HELB: variants seen among roughly 807,000 people sequenced by gnomAD.
HELB encodes the protein DNA helicase B, also known as DNA 5'-3' helicase B.
In HELB, 96 loss-of-function variants were observed where a neutral mutation model predicts 101.7. The observed-to-expected ratio is 0.94, with a 90% CI of 0.80 to 1.12. The LOEUF (loss-of-function observed/expected upper bound fraction) is 1.12. HELB is among the 50% of genes most tolerant of loss of function. The probability of loss-of-function intolerance (pLI) is 0.00; values close to 1 mark genes in which losing one functional copy is unlikely to be tolerated. For missense variants in HELB, 1,210 were observed against 1,291.9 expected (o/e 0.94, Z 0.97); for synonymous variants, 437 against 459.7 (o/e 0.95, Z 0.63).
intron 8 of HELB, 60 bp from the exon 9 acceptor site, chr12:66,322,664 A>G (rs2053684510): frequency 9.3e-7 from 1 of 1,073,706 alleles, no homozygotes; most frequent in Middle Eastern, 2.1e-4. Flanking sequence ...ATTGCTGATA[A>G]CAAAAGTAAA....
chr12:66,304,599 C>T (rs1006387360), intron 1 of HELB, 132 bp from the exon 2 acceptor site: 10 of 762,000 alleles, frequency 1.3e-5, no homozygotes, highest in Admixed American at 2.9e-5. Context: ...GTTACAGGCA[C>T]CCTACCAGAC....
At position 66,305,024 on chromosome 12, in the gene HELB, A is replaced by T. The variant is rs758740137; in HGVS notation, c.481A>T (p.Asn161Tyr). 6.2e-7 allele frequency: 1 copy of T among 1,613,786 alleles called. No individual in the cohort carries two copies. Among genetic ancestry groups the T allele is most frequent in the East Asian group, 2.2e-5 (1 of 44,860 alleles). Reference protein sequence around the residue: ...VSNYKNLNFENLRETLRTFHK... With the variant: ...VSNYKNLNFEYLRETLRTFHK... The stretch of plus-strand genomic sequence containing the variant: ...AAACTACAAAAACCTAAACTTTGAA[A>T]ATCTTAGGGAAACACTAAGAACTTT... Residue 161 changes from asparagine (N) to tyrosine (Y), a missense_variant, in exon 2 of 13, where the codon AAT becomes TAT. Transcript: ENST00000247815.
At chr12:66,304,417 T>G (rs1291936014) in intron 1 of HELB, among the ~76,000 whole-genome samples, 1 of 152,210 alleles carries the variant, frequency 6.6e-6, no homozygotes, top group South Asian at 2.1e-4. Context: ...AAGGCCAGTA[T>G]TGGCTGAAGT....
intron 7 of HELB, among the ~76,000 whole-genome samples, chr12:66,320,460 G>T (rs1460727882): frequency 6.6e-6 from 1 of 152,250 alleles, no homozygotes. Flanking sequence ...TCTTTTCACA[G>T]CTTAGTTAAT....
intron 11 of HELB, among the ~76,000 whole-genome samples, chr12:66,329,573 A>G (rs1327738253): frequency 2.0e-5 from 3 of 152,142 alleles, no homozygotes; most frequent in African/African-American, 7.2e-5. Flanking sequence ...TTACAAACAC[A>G]TTAAGGGGTT....
At chr12:66,331,750 G>A (rs2053812174) in intron 12 of HELB, 105 bp downstream of exon 12, 2 of 1,110,624 alleles carry the variant, frequency 1.8e-6, no homozygotes, top group Admixed American at 4.8e-5. Context: ...TGTGCTGTTG[G>A]ACTTAAAAAC....
intron 11 of HELB, among the ~76,000 whole-genome samples, chr12:66,329,196 T>C (rs2053777372): frequency 1.3e-5 from 2 of 152,238 alleles, no homozygotes. Flanking sequence ...GTGTCTTACT[T>C]TCTGAGGTAG....
intron 3 of HELB, 138 bp downstream of exon 3, chr12:66,306,652 C>G (rs2053479942): frequency 2.1e-6 from 1 of 466,870 alleles, no homozygotes; most frequent in Non-Finnish European, 3.7e-6. Flanking sequence ...AATGTTGCAA[C>G]TGTACATAAA....
intron 12 of HELB, among the ~76,000 whole-genome samples, chr12:66,332,061 T>G (rs934560652): frequency 6.6e-6 from 1 of 152,212 alleles, no homozygotes; most frequent in Non-Finnish European, 1.5e-5. Context: ...ATCAGTAATG[T>G]GGTGATTTGC....
chr12:66,314,201 C>G (rs2053575589), intron 5 of HELB, 38 bp downstream of exon 5: 1 of 1,580,622 alleles, frequency 6.3e-7, no homozygotes, highest in Non-Finnish European at 8.7e-7. Flanking sequence ...ATGTTTATTT[C>G]AAAGTATTGT....
intron 3 of HELB, among the ~76,000 whole-genome samples, chr12:66,308,983 G>A (rs1287040301): frequency 6.6e-6 from 1 of 152,066 alleles, no homozygotes; most frequent in Non-Finnish European, 1.5e-5. Flanking sequence ...TATAGTGAAG[G>A]GAGTTCTGTA....
At chr12:66,304,168 A>G (rs999160885) in intron 1 of HELB, among the ~76,000 whole-genome samples, 1 of 152,254 alleles carries the variant, frequency 6.6e-6, no homozygotes, top group African/African-American at 2.4e-5. Context: ...CTTACCCTCT[A>G]GTGTATTAAA....
chr12:66,310,302 G>A lies in HELB; in HGVS notation c.1374G>A (p.Gln458=). The part of the protein sequence containing the change: ...DQVEVPLDRD[Q]VAALEMICSN... Reference sequence around the variant, plus strand: ...TTGAAGTTCCACTGGATCGGGATCAGGTGGCTGCTTTGGAAATGATTTGCT... The same window carrying A: ...TTGAAGTTCCACTGGATCGGGATCAAGTGGCTGCTTTGGAAATGATTTGCT... The change falls in exon 4 of 13, where the codon CAG becomes CAA. Residue 458 remains glutamine, a synonymous_variant. Coordinates refer to ENST00000247815, the MANE Select transcript of HELB (RefSeq NM_001370285.1). 2 of 1,614,148 alleles carry A rather than the reference G, an allele frequency of 1.2e-6. No homozygotes were observed. The highest frequency in any genetic ancestry group is 1.7e-6 in the Non-Finnish European group (2 of 1,180,028).
At chr12:66,315,523 T>G (rs2053594887) in intron 6 of HELB, 140 bp downstream of exon 6, 1 of 508,770 alleles carries the variant, frequency 2.0e-6, no homozygotes, top group Non-Finnish European at 3.1e-6. Flanking sequence ...TATAAACCTT[T>G]TGCCCTACAG....
chr12:66,318,627 C>T lies in HELB; in HGVS notation c.2001-11C>T, dbSNP rs2053636243. 1 of 1,591,264 alleles carries T rather than the reference C, an allele frequency of 6.3e-7. No homozygotes were observed. ...AATGTTCTTTGTGTGTGTGTGTTAT[C>T]TTTATTCAAGAATCTCAAGACGCCA... On this transcript the variant is annotated splice_polypyrimidine_tract_variant and intron_variant, in intron 6 of 12. Coordinates refer to ENST00000247815, the MANE Select transcript of HELB (RefSeq NM_001370285.1).
chr12:66,314,120 TTTA>T lies in HELB; in HGVS notation c.1818_1820del (p.Leu607del). 1 of 1,613,844 alleles carries T rather than the reference TTTA, an allele frequency of 6.2e-7. No homozygotes were observed. The highest frequency in any genetic ancestry group is 8.5e-7 in the Non-Finnish European group (1 of 1,179,762). ...TAGGAATCTTCAAATCGGTCTTAAA[TTTA>T]TTGTGTGAGCACTCCAAACTTTCTA... On this transcript the variant is annotated inframe_deletion, in exon 5 of 13. Transcript: ENST00000247815.
At chr12:66,306,541 A>G (rs771096602) in intron 3 of HELB, 27 bp downstream of exon 3, 5 of 1,485,658 alleles carry the variant, frequency 3.4e-6, no homozygotes, top group Non-Finnish European at 4.5e-6. Context: ...CTCAGCATAT[A>G]GTAATCTTGT....
In HELB at chr12:66,337,590, G is replaced by C. The variant is rs2053880090; in HGVS notation, c.3163-411G>C. 3.3e-5 allele frequency among the ~76,000 whole-genome samples: 5 copies of C among 151,578 alleles called. No individual in the cohort carries two copies. The South Asian group carries it at 1.0e-3, about 32-fold the overall frequency. On this transcript the variant is annotated intron_variant, in intron 12 of 12. Transcript: ENST00000247815. ...ACTGACTTCATGGGCAGGCAACATG[G>C]GCAGTCCTCCAGGACTCAGGCCCAC...
intron 12 of HELB, among the ~76,000 whole-genome samples, chr12:66,332,572 A>G (rs777161817): frequency 3.9e-5 from 6 of 152,164 alleles, no homozygotes; most frequent in Admixed American, 2.0e-4. Context: ...CATCTTAGTT[A>G]TCGGAGTAAG....
Sources: gnomAD v4.1 joint callset for allele counts (sites outside exome capture counted in the v4.1 genomes callset) on GRCh38, gnomAD v4.1.1 for gene constraint, MANE v1.5 for transcripts, NCBI Gene and HGNC (gene_info 2026-07-23, HGNC 2026-07-21) for gene names.